The following KCNJ2 variants were observed in gnomAD, a reference collection of about 807,000 sequenced individuals.
The protein encoded by KCNJ2 is inward rectifier potassium channel 2.
Under a neutral mutation model 28.4 loss-of-function variants are expected in KCNJ2, and 12 were observed. The observed-to-expected ratio is 0.42, with a 90% CI of 0.27 to 0.68. The LOEUF is 0.68. Among genes scored for constraint, KCNJ2 ranks in the 30% least tolerant of loss-of-function variants. KCNJ2 has a pLI of 0.23. For missense variants in KCNJ2, 320 were observed against 551.3 expected, an observed-to-expected ratio of 0.58 and a Z score of 4.20; for synonymous variants, 200 against 203.2, an observed-to-expected ratio of 0.98 and a Z score of 0.13.
chr17:70,172,167 C>G (rs914000686), intron 1 of KCNJ2, among the ~76,000 whole-genome samples: 1 of 151,916 alleles, frequency 6.6e-6, no homozygotes, highest in Admixed American at 6.6e-5. Context: ...GACCGTTACC[C>G]CATCAAACCT....
At chr17:70,173,541 T>A (rs2080035949) in intron 1 of KCNJ2, among the ~76,000 whole-genome samples, 1 of 149,186 alleles carries the variant, frequency 6.7e-6, no homozygotes, top group South Asian at 2.1e-4. Flanking sequence ...AGCTTTTTGT[T>A]AGTTAGTCAA....
Position 70,176,577 on chromosome 17 carries a change from T to G in KCNJ2, c.*254T>G. Reference sequence around the variant, plus strand: ...TTATGGGTTTTTATGTTTTGTTTTGTGTTTTTCCAAAACTTGAACTTGCAG... The same window carrying G: ...TTATGGGTTTTTATGTTTTGTTTTGGGTTTTTCCAAAACTTGAACTTGCAG... On this transcript the variant is annotated 3_prime_UTR_variant, in exon 2 of 2. Transcript: ENST00000243457. 1.8e-6 allele frequency: 1 copy of G among 543,756 alleles called. No homozygotes were observed. Among genetic ancestry groups the G allele is most frequent in the Non-Finnish European group, 3.4e-6 (1 of 294,450 alleles). The allele number at this position is 543,756 out of a possible 1,614,324, so 33.7% of individuals were successfully genotyped here.
Position 70,180,002 on chromosome 17 carries a change from T to C in KCNJ2, c.*3679T>C, listed in dbSNP as rs2074418338. ...ATTGTACATATTTTTATATATTATG[T>C]CTTATTTTATTATTTCTAAATAAAA... On this transcript the variant is annotated 3_prime_UTR_variant, in exon 2 of 2. Coordinates refer to ENST00000243457, the MANE Select transcript of KCNJ2 (RefSeq NM_000891.3). 6.1e-6 allele frequency: 1 copy of C among 164,436 alleles called. No homozygotes were observed. Among genetic ancestry groups the C allele is most frequent in the Non-Finnish European group, 1.5e-5 (1 of 68,084 alleles). 10.2% of individuals were successfully genotyped at this position (164,436 alleles called of 1,614,324 possible).
chr17:70,171,464 C>A (rs1304840792), intron 1 of KCNJ2, among the ~76,000 whole-genome samples: 1 of 152,210 alleles, frequency 6.6e-6, no homozygotes, highest in Non-Finnish European at 1.5e-5. Flanking sequence ...TATTTCCTAT[C>A]CTTAGAAACT....
At position 70,170,061 on chromosome 17, in the gene KCNJ2, G is replaced by GA. The variant is rs147960724; in HGVS notation, c.-217+367dup. 1.3e-3 allele frequency among the ~76,000 whole-genome samples: 198 copies of GA among 152,106 alleles called. 2 individuals carry two copies. The East Asian group carries it at 0.036, about 28-fold the overall frequency. On this transcript the variant is annotated intron_variant, in intron 1 of 1. Coordinates refer to ENST00000243457, the MANE Select transcript of KCNJ2 (RefSeq NM_000891.3). ...GTGTTCGGTTCTCACTCTAAGTGGG[G>GA]AAAAAAAGAAAGAAAACGTGGTTGC...
At position 70,178,024 on chromosome 17, in the gene KCNJ2, ACT is replaced by A. The variant is rs1555604187; in HGVS notation, c.*1704_*1705del. ...TTTCTCACTGAAGCTCAATAATGGA[ACT>A]CTTTTTTTTTTTTTTTTTAATTTAA... On this transcript the variant is annotated 3_prime_UTR_variant, in exon 2 of 2. Coordinates refer to ENST00000243457, the MANE Select transcript of KCNJ2 (RefSeq NM_000891.3). 1.5e-5 allele frequency: 2 copies of A among 130,106 alleles called. No homozygotes were observed. The highest frequency in any genetic ancestry group is 3.6e-5 in the African/African-American group (1 of 27,452). The allele number at this position is 130,106 out of a possible 1,614,324, so 8.1% of individuals were successfully genotyped here.
intron 1 of KCNJ2, among the ~76,000 whole-genome samples, chr17:70,174,300 G>A (rs2063188349): frequency 6.6e-6 from 1 of 152,156 alleles, no homozygotes; most frequent in African/African-American, 2.4e-5. Context: ...AAACAAAATA[G>A]TCTGTCTTCC....
chr17:70,172,997 G>A (rs1400892159), intron 1 of KCNJ2, among the ~76,000 whole-genome samples: 2 of 152,164 alleles, frequency 1.3e-5, no homozygotes, highest in Non-Finnish European at 2.9e-5. Flanking sequence ...GCAGGTGGAA[G>A]GTTAGGAAAG....
rs1467380962 is a variant in KCNJ2 at position 70,179,496 on chromosome 17, C to T, written c.*3173C>T. On this transcript the variant is annotated 3_prime_UTR_variant, in exon 2 of 2. Coordinates refer to ENST00000243457, the MANE Select transcript of KCNJ2 (RefSeq NM_000891.3). ...CTTGAATCAGACATTTTAAGGATGT[C>T]ACTATGGCACTGTTGTCATTTCCAA... The T allele has an allele frequency of 6.0e-6, 1 of 166,516 alleles. No individual in the cohort carries two copies. The highest frequency in any genetic ancestry group is 1.5e-5 in the Non-Finnish European group (1 of 68,100). The allele number at this position is 166,516 out of a possible 1,614,324, so 10.3% of individuals were successfully genotyped here. A position where few individuals can be genotyped will look rare whatever the true frequency, so the allele number is the denominator to read the frequency against.
chr17:70,172,543 G>A (rs1395694695), intron 1 of KCNJ2, among the ~76,000 whole-genome samples: 1 of 152,114 alleles, frequency 6.6e-6, no homozygotes, highest in Non-Finnish European at 1.5e-5. Context: ...CAAATGTCCT[G>A]GGGTCAAGAT....
At position 70,175,417 on chromosome 17, in the gene KCNJ2, C is replaced by A; in HGVS notation, c.378C>A (p.Val126=). ...SKEGKACVSE[V]NSFTAAFLFS... is the part of the protein sequence containing the mutation. ...AGGGCAAAGCTTGTGTGTCCGAGGT[C>A]AACAGCTTCACGGCTGCCTTCCTCT... Residue 126 remains valine (V), a synonymous_variant, in exon 2 of 2, where the codon GTC becomes GTA. Coordinates refer to ENST00000243457, the MANE Select transcript of KCNJ2 (RefSeq NM_000891.3). The surrounding 1 kb of genome is among the most constrained non-coding windows in gnomAD (Gnocchi z 8.3). 1.9e-6 allele frequency: 3 copies of A among 1,614,160 alleles called. No homozygotes were observed. The highest frequency in any genetic ancestry group is 2.5e-6 in the Non-Finnish European group (3 of 1,180,028).
At chr17:70,173,304 A>T (rs1165936132) in intron 1 of KCNJ2, among the ~76,000 whole-genome samples, 1 of 152,164 alleles carries the variant, frequency 6.6e-6, no homozygotes, top group Non-Finnish European at 1.5e-5. Flanking sequence ...CGGTTCTATT[A>T]ACTGTTTAAT....
At chr17:70,172,275 G>C (rs2074368656) in intron 1 of KCNJ2, among the ~76,000 whole-genome samples, 3 of 130,512 alleles carry the variant, frequency 2.3e-5, no homozygotes, top group South Asian at 2.4e-4. Context: ...CTGTTTGGGG[G>C]CATATCTATT....
rs1042466543 is a variant in KCNJ2 at position 70,178,589 on chromosome 17, A to G, written c.*2266A>G. On this transcript the variant is annotated 3_prime_UTR_variant, in exon 2 of 2. Transcript: ENST00000243457. ...AGTGGAGAATGGGGGTGACCACAAA[A>G]GAGGCTCCCCCTAAACACACAGTGC... 6.3e-6 allele frequency: 1 copy of G among 159,566 alleles called. No homozygotes were observed. The highest frequency in any genetic ancestry group is 1.5e-5 in the Non-Finnish European group (1 of 66,192). 9.9% of individuals were successfully genotyped at this position (159,566 alleles called of 1,614,324 possible).
Position 70,175,125 on chromosome 17 carries a change from G to T in KCNJ2, c.86G>T (p.Gly29Val). The change falls in exon 2 of 2, where the codon GGC becomes GTC. Residue 29 changes from glycine (G) to valine (V), a missense_variant. Gly to Val is a moderately radical substitution (Grantham distance 109, BLOSUM62 -3). Transcript: ENST00000243457. This position sits in a 1 kb window ranked among gnomAD's most constrained non-coding sequence, Gnocchi z 8.3. Reference protein sequence around the residue: ...MKLATMAVANGFGNGKSKVHT... With the variant: ...MKLATMAVANVFGNGKSKVHT... ...TTGGCCACCATGGCAGTTGCAAATG[G>T]CTTTGGGAACGGGAAGAGTAAAGTC... 1 of 1,614,194 alleles carries T rather than the reference G, an allele frequency of 6.2e-7. No individual in the cohort carries two copies. The highest frequency in any genetic ancestry group is 8.5e-7 in the Non-Finnish European group (1 of 1,180,032).
intron 1 of KCNJ2, among the ~76,000 whole-genome samples, chr17:70,171,368 T>C (rs1418845938): frequency 6.6e-6 from 1 of 152,146 alleles, no homozygotes; most frequent in African/African-American, 2.4e-5. Context: ...CAGGCTGTTC[T>C]ATATGGCGTC....
In KCNJ2 at chr17:70,175,375, C is replaced by T; in HGVS notation, c.336C>T (p.Asp112=). The change falls in exon 2 of 2, where the codon GAC becomes GAT. Residue 112 remains aspartate (D), a synonymous_variant. Coordinates refer to ENST00000243457, the MANE Select transcript of KCNJ2 (RefSeq NM_000891.3). This position sits in a 1 kb window ranked among gnomAD's most constrained non-coding sequence, Gnocchi z 8.3. The stretch of plus-strand genomic sequence containing the variant: ...GGTTGATAGCTCTGCTCCATGGGGA[C>T]CTGGATGCATCCAAAGAGGGCAAAG... ...VFWLIALLHG[D]LDASKEGKAC... 6.2e-7 allele frequency: 1 copy of T among 1,614,102 alleles called. No individual in the cohort carries two copies.
rs2074404470 is a variant in KCNJ2, at chr17:70,177,889, T to G, written c.*1566T>G. 1 of 167,072 alleles carries G rather than the reference T, an allele frequency of 6.0e-6. No homozygotes were observed. Among genetic ancestry groups the G allele is most frequent in the Non-Finnish European group, 1.5e-5 (1 of 68,116 alleles). The allele number at this position is 167,072 out of a possible 1,614,324, so 10.3% of individuals were successfully genotyped here. Reference sequence around the variant, plus strand: ...TGCATACTTATGACTGAATGTGAGCTAAGCATTTTCTCCTGTGGAGCCCTA... The same window carrying G: ...TGCATACTTATGACTGAATGTGAGCGAAGCATTTTCTCCTGTGGAGCCCTA... On this transcript the variant is annotated 3_prime_UTR_variant, in exon 2 of 2. Coordinates refer to ENST00000243457, the MANE Select transcript of KCNJ2 (RefSeq NM_000891.3).
At chr17:70,170,584 A>G (rs768588543) in intron 1 of KCNJ2, among the ~76,000 whole-genome samples, 1 of 152,232 alleles carries the variant, frequency 6.6e-6, no homozygotes, top group East Asian at 1.9e-4. Flanking sequence ...CCTGTTAGGA[A>G]ATAAGGTGTT....
Sources: allele counts gnomAD v4.1 joint callset (sites outside exome capture counted in the v4.1 genomes callset), GRCh38; gene constraint gnomAD v4.1.1; non-coding constraint Gnocchi (gnomAD v3.1); transcripts MANE v1.5; gene names NCBI Gene and HGNC (gene_info 2026-07-23, HGNC 2026-07-21).